RAB4A: variants seen among roughly 807,000 people sequenced by gnomAD.
The protein encoded by RAB4A is RAB4A, member RAS oncogene family, also known as ras-related protein Rab-4A.
Under a neutral mutation model 34.5 loss-of-function variants are expected in RAB4A, and 20 were observed. That is an observed-to-expected ratio of 0.58 (90% CI 0.41 to 0.84). The LOEUF is 0.84. Among genes scored for constraint, RAB4A ranks in the 40% least tolerant of loss-of-function variants. The pLI is 0.00. For missense variants in RAB4A, 228 were observed against 274.5 expected (o/e 0.83, Z 1.20); for synonymous variants, 102 against 100.0 (o/e 1.02, Z -0.12).
chr1:229,302,286 TATA>T (rs1657415628), intron 6 of RAB4A, among the ~76,000 whole-genome samples: 8 of 22,546 alleles, frequency 3.5e-4, no homozygotes, highest in African/African-American at 9.9e-4. Flanking sequence ...TATATATATA[TATA>T]TATATATATA....
At chr1:229,286,705 A>G (rs1571827739) in intron 2 of RAB4A, 139 bp downstream of exon 2, 1 of 555,526 alleles carries the variant, frequency 1.8e-6, no homozygotes, top group East Asian at 3.2e-5. Context: ...ATGTTATTGA[A>G]CTTTGGGTGA....
At chr1:229,271,504 T>G (rs1571816934) in intron 1 of RAB4A, 134 bp downstream of exon 1, 3 of 736,902 alleles carry the variant, frequency 4.1e-6, no homozygotes, top group Non-Finnish European at 5.2e-6. Context: ...ATCTCGGAGG[T>G]GTCTGGGCTT....
chr1:229,294,438 G>T (rs1180161613), intron 3 of RAB4A, among the ~76,000 whole-genome samples: 1 of 152,266 alleles, frequency 6.6e-6, no homozygotes, highest in Non-Finnish European at 1.5e-5. Flanking sequence ...TCCAGCTTCG[G>T]TTGCAGAGAG....
In RAB4A at chr1:229,278,708, C is replaced by T. The variant is rs559207962; in HGVS notation, c.31+7338C>T. 3.9e-4 allele frequency among the ~76,000 whole-genome samples: 59 copies of T among 152,324 alleles called. 1 individual carries two copies. The South Asian group carries it at 0.012, about 30-fold the overall frequency. On this transcript the variant is annotated intron_variant, in intron 1 of 7. Coordinates refer to ENST00000366690, the MANE Select transcript of RAB4A (RefSeq NM_004578.4). ...AGCTTCCTGACTTTGCGCCTTCCTC[C>T]TTTAACCACCTCTGTCTCTCCTTTC... is the stretch of plus-strand genomic sequence containing the variant.
chr1:229,304,995 CT>C lies in RAB4A; in HGVS notation c.*1205del, dbSNP rs1657514539. The C allele has an allele frequency of 1.0e-6, 1 of 965,358 alleles. No individual in the cohort carries two copies. The highest frequency in any genetic ancestry group is 1.7e-5 in the African/African-American group (1 of 58,316). The allele number at this position is 965,358 out of a possible 1,614,324, so 59.8% of individuals were successfully genotyped here. ...TATTTAAATCTGAAAGGTTAAAAAGCTTTCTTCACCTTATATATGTTCTTCC... is the reference window on the plus strand; with the variant it reads ...TATTTAAATCTGAAAGGTTAAAAAGCTTCTTCACCTTATATATGTTCTTCC... On this transcript the variant is annotated 3_prime_UTR_variant, in exon 8 of 8. Transcript: ENST00000366690.
chr1:229,284,891 GAGTTCTTTTATATGTTCTGTCC>G (rs1012947428), intron 1 of RAB4A, among the ~76,000 whole-genome samples: 1 of 151,968 alleles, frequency 6.6e-6, no homozygotes, highest in Non-Finnish European at 1.5e-5. Context: ...CATGTCTCTT[GAGTTCTTTTATATGTTCTGTCC>G]TCAGCTCTCA....
intron 1 of RAB4A, among the ~76,000 whole-genome samples, chr1:229,274,470 A>G (rs1002849438): frequency 5.9e-5 from 9 of 152,182 alleles, no homozygotes; most frequent in African/African-American, 1.9e-4. Context: ...AGTGTTGAAC[A>G]TTTTTGTTGC....
intron 6 of RAB4A, among the ~76,000 whole-genome samples, chr1:229,302,260 TATATATATA>T (rs1657402829): frequency 8.5e-5 from 1 of 11,804 alleles, no homozygotes; most frequent in African/African-American, 4.6e-4. Context: ...TAAATAATTA[TATATATATA>T]TATATATATA....
intron 1 of RAB4A, among the ~76,000 whole-genome samples, chr1:229,273,709 A>G (rs775405028): frequency 6.6e-6 from 1 of 152,208 alleles, no homozygotes; most frequent in Non-Finnish European, 1.5e-5. Context: ...ACTGCACTCC[A>G]TCCTGGGCAA....
intron 3 of RAB4A, 79 bp from the exon 4 acceptor site, chr1:229,295,769 T>G: frequency 7.5e-7 from 1 of 1,339,282 alleles, no homozygotes; most frequent in Non-Finnish European, 1.1e-6. Flanking sequence ...AAAGCAAGCA[T>G]GGGTGTTTTT....
Position 229,303,892 on chromosome 1 carries a change from T to C in RAB4A, c.*99T>C, listed in dbSNP as rs15452. ...TACCACCATCTTTTTCTACTCTGTATGGAAGTAGATCTTTATGGGGAAAAG... is the reference window on the plus strand; with the variant it reads ...TACCACCATCTTTTTCTACTCTGTACGGAAGTAGATCTTTATGGGGAAAAG... On this transcript the variant is annotated 3_prime_UTR_variant, in exon 8 of 8. Coordinates refer to ENST00000366690, the MANE Select transcript of RAB4A (RefSeq NM_004578.4). 1 of 151,960 alleles carries C rather than the reference T, an allele frequency of 6.6e-6. No individual in the cohort carries two copies. Among genetic ancestry groups the C allele is most frequent in the African/African-American group, 2.4e-5 (1 of 41,356 alleles). The allele number at this position is 151,960 out of a possible 1,614,324, so 9.4% of individuals were successfully genotyped here.
chr1:229,290,116 G>A (rs774791414), intron 3 of RAB4A, among the ~76,000 whole-genome samples: 1 of 152,184 alleles, frequency 6.6e-6, no homozygotes, highest in Non-Finnish European at 1.5e-5. Context: ...ACTGTAATGG[G>A]GGAAGCCATT....
At chr1:229,286,179 A>G (rs1656919085) in intron 1 of RAB4A, among the ~76,000 whole-genome samples, 3 of 152,380 alleles carry the variant, frequency 2.0e-5, no homozygotes, top group South Asian at 4.1e-4. Flanking sequence ...GAATATGCAT[A>G]TTTCTTTGAA....
rs112793122 is a variant in RAB4A, at chr1:229,291,652, G to A, written c.227+2809G>A. Among the ~76,000 whole-genome samples, 817 of 152,268 alleles carry A rather than the reference G, an allele frequency of 5.4e-3. 4 individuals are homozygous for A. Among genetic ancestry groups the A allele is most frequent in the Admixed American group, 9.0e-3 (137 of 15,298 alleles). On this transcript the variant is annotated intron_variant, in intron 3 of 7. Coordinates refer to ENST00000366690, the MANE Select transcript of RAB4A (RefSeq NM_004578.4). ...AGAATAGTGTCTAGCACACAGGGGC[G>A]CAGTATGTGCTCTTTTAATGACTTA...
At chr1:229,278,574 CTGTT>C (rs1656706237) in intron 1 of RAB4A, among the ~76,000 whole-genome samples, 3 of 152,216 alleles carry the variant, frequency 2.0e-5, no homozygotes, top group African/African-American at 7.2e-5. Context: ...CAGAAGGTCT[CTGTT>C]GTTTAAAACT....
At chr1:229,280,732 TC>T (rs1449330069) in intron 1 of RAB4A, among the ~76,000 whole-genome samples, 2 of 152,212 alleles carry the variant, frequency 1.3e-5, no homozygotes, top group Non-Finnish European at 2.9e-5. Flanking sequence ...ACAGGACACT[TC>T]CGTCACCACA....
chr1:229,285,709 C>T (rs527803947), intron 1 of RAB4A, among the ~76,000 whole-genome samples: 40 of 152,160 alleles, frequency 2.6e-4, no homozygotes, highest in Middle Eastern at 3.4e-3. Flanking sequence ...CTGGTACTCC[C>T]GAGCTCCTAA....
At chr1:229,290,979 G>A (rs1377698917) in intron 3 of RAB4A, among the ~76,000 whole-genome samples, 1 of 152,142 alleles carries the variant, frequency 6.6e-6, no homozygotes, top group Non-Finnish European at 1.5e-5. Flanking sequence ...GTCCAGACCA[G>A]AGCGTGCCAT....
chr1:229,281,300 A>G (rs1362083198), intron 1 of RAB4A, among the ~76,000 whole-genome samples: 1 of 152,074 alleles, frequency 6.6e-6, no homozygotes, highest in Non-Finnish European at 1.5e-5. Flanking sequence ...TGCTTGACAT[A>G]TTTTACAGCT....
Sources: allele counts gnomAD v4.1 joint callset (sites outside exome capture counted in the v4.1 genomes callset), GRCh38; gene constraint gnomAD v4.1.1; transcripts MANE v1.5; gene names NCBI Gene and HGNC (gene_info 2026-07-23, HGNC 2026-07-21).